Variants in SMAD2 observed in about 807,000 individuals in gnomAD.
The protein encoded by SMAD2 is SMAD family member 2.
Under a neutral mutation model 64.4 loss-of-function variants are expected in SMAD2, and 8 were observed. The ratio of observed to expected loss-of-function variants is 0.12; its 90% CI spans 0.07 to 0.22. The LOEUF (loss-of-function observed/expected upper bound fraction) is 0.22. Ranked by LOEUF, SMAD2 falls within the 10% of genes least tolerant of loss-of-function variation. The pLI, the probability that SMAD2 is intolerant of heterozygous loss-of-function variation, is 1.00. For synonymous variants in SMAD2, 203 were observed against 195.8 expected, an observed-to-expected ratio of 1.04 and a Z score of -0.31; for missense variants, 289 against 561.2, an observed-to-expected ratio of 0.51 and a Z score of 4.90.
chr18:47,841,687 G>T lies in SMAD2; in HGVS notation c.*140C>A. 1.2e-6 allele frequency: 1 copy of T among 834,624 alleles called. No individual in the cohort carries two copies. 51.7% of individuals were successfully genotyped at this position (834,624 alleles called of 1,614,324 possible). On this transcript the variant is annotated 3_prime_UTR_variant, in exon 11 of 11. Transcript: ENST00000262160. ...AAATATAGGAAACAGATTCCACAAG[G>T]TGCTTTAATTGATGAGACCTCAAGT...
chr18:47,857,249 A>T (rs538529409), intron 6 of SMAD2, among the ~76,000 whole-genome samples: 3 of 152,222 alleles, frequency 2.0e-5, no homozygotes, highest in Admixed American at 2.0e-4. Flanking sequence ...TAAGAGATTA[A>T]GCTTCCCTGC....
Position 47,815,181 on chromosome 18 carries a change from G to T in SMAD2, c.*26646C>A, listed in dbSNP as rs1385008836. On this transcript the variant is annotated 3_prime_UTR_variant, in exon 11 of 11. Transcript: ENST00000262160. Reference sequence around the variant, plus strand: ...AGCTGAGCATTTATCCAAAGAGATGGTTTTAAGCCTGAGATAGGCTATTTG... The same window carrying T: ...AGCTGAGCATTTATCCAAAGAGATGTTTTTAAGCCTGAGATAGGCTATTTG... 1 of 152,244 alleles carries T rather than the reference G, an allele frequency of 6.6e-6. No homozygotes were observed. The highest frequency in any genetic ancestry group is 2.4e-5 in the African/African-American group (1 of 41,458). The allele number at this position is 152,244 out of a possible 1,614,324, so 9.4% of individuals were successfully genotyped here.
rs1484381117 is a variant in SMAD2, at chr18:47,811,898, G to A, written c.*29929C>T. ...ATAAAGCACTGCTGGAAATGTTGAA[G>A]CAGACACAAAGATGTAGCATATATA... On this transcript the variant is annotated 3_prime_UTR_variant, in exon 11 of 11. Coordinates refer to ENST00000262160, the MANE Select transcript of SMAD2 (RefSeq NM_005901.6). 1 of 152,230 alleles carries A rather than the reference G, an allele frequency of 6.6e-6. No homozygotes were observed. Among genetic ancestry groups the A allele is most frequent in the Non-Finnish European group, 1.5e-5 (1 of 68,050 alleles). 9.4% of individuals were successfully genotyped at this position (152,230 alleles called of 1,614,324 possible). A position where few individuals can be genotyped will look rare whatever the true frequency, so the allele number is the denominator to read the frequency against.
intron 1 of SMAD2, among the ~76,000 whole-genome samples, chr18:47,899,595 G>T (rs2033597441): frequency 6.6e-6 from 1 of 152,126 alleles, no homozygotes; most frequent in Admixed American, 6.5e-5. Context: ...TTGTGTCAAT[G>T]CATTGTGTTG....
rs1481042904 is a variant in SMAD2 at position 47,829,441 on chromosome 18, G to A, written c.*12386C>T. The A allele has an allele frequency of 1.3e-5, 2 of 150,576 alleles. No individual in the cohort carries two copies. Among genetic ancestry groups the A allele is most frequent in the Non-Finnish European group, 2.9e-5 (2 of 67,808 alleles). 9.3% of individuals were successfully genotyped at this position (150,576 alleles called of 1,614,324 possible). A position where few individuals can be genotyped will look rare whatever the true frequency, so the allele number is the denominator to read the frequency against. ...CTTTTACAATGGTCACATACAAATG[G>A]GGAAAGAGTGGATATAAAAAATATG... is the stretch of plus-strand genomic sequence containing the variant. On this transcript the variant is annotated 3_prime_UTR_variant, in exon 11 of 11. Transcript: ENST00000262160.
chr18:47,834,192 A>G lies in SMAD2; in HGVS notation c.*7635T>C, dbSNP rs920588456. The G allele has an allele frequency of 4.7e-6, 1 of 212,344 alleles. No homozygotes were observed. The highest frequency in any genetic ancestry group is 2.3e-5 in the African/African-American group (1 of 44,108). 13.2% of individuals were successfully genotyped at this position (212,344 alleles called of 1,614,324 possible). On this transcript the variant is annotated 3_prime_UTR_variant, in exon 11 of 11. Transcript: ENST00000262160. ...GCAACTATGACAACATAGGGAAGTA[A>G]GGATAAATCACAAGAACACCTAAGG...
At chr18:47,877,940 T>C (rs551705023) in intron 2 of SMAD2, among the ~76,000 whole-genome samples, 1 of 152,330 alleles carries the variant, frequency 6.6e-6, no homozygotes, top group South Asian at 2.1e-4. Flanking sequence ...TGGGCAGTAA[T>C]TAAATCTGGA....
intron 6 of SMAD2, among the ~76,000 whole-genome samples, chr18:47,853,079 C>T (rs1480506298): frequency 6.6e-6 from 1 of 152,048 alleles, no homozygotes; most frequent in African/African-American, 2.4e-5. Flanking sequence ...TGCCTGTAAT[C>T]CCAGCACTTT....
chr18:47,905,348 A>C (rs770509901), intron 1 of SMAD2, among the ~76,000 whole-genome samples: 1 of 152,246 alleles, frequency 6.6e-6, no homozygotes, highest in Non-Finnish European at 1.5e-5. Flanking sequence ...TTGAAGATTC[A>C]TATTGCTTAA....
chr18:47,820,681 A>G lies in SMAD2; in HGVS notation c.*21146T>C, dbSNP rs1337679450. The stretch of plus-strand genomic sequence containing the variant: ...ACAAAGCAGAAAGTTTAAGCATGTC[A>G]CTGAAGGTCTGTGCAGATCATGAAA... On this transcript the variant is annotated 3_prime_UTR_variant, in exon 11 of 11. Transcript: ENST00000262160. 6.6e-6 allele frequency: 1 copy of G among 152,206 alleles called. No homozygotes were observed. The highest frequency in any genetic ancestry group is 2.4e-5 in the African/African-American group (1 of 41,458). The allele number at this position is 152,206 out of a possible 1,614,324, so 9.4% of individuals were successfully genotyped here.
At chr18:47,916,796 A>T (rs1282148136) in intron 1 of SMAD2, among the ~76,000 whole-genome samples, 1 of 152,206 alleles carries the variant, frequency 6.6e-6, no homozygotes, top group Non-Finnish European at 1.5e-5. Context: ...GAAATTGTCC[A>T]CTTTACCTGT....
Position 47,839,154 on chromosome 18 carries a change from G to A in SMAD2, c.*2673C>T, listed in dbSNP as rs1023398707. On this transcript the variant is annotated 3_prime_UTR_variant, in exon 11 of 11. Coordinates refer to ENST00000262160, the MANE Select transcript of SMAD2 (RefSeq NM_005901.6). ...GCTCAACAGGTATAACTGCTCAATA[G>A]GTGTTTTCAAAGAGTTGAGTCCCAA... 4.3e-6 allele frequency: 1 copy of A among 233,138 alleles called. No homozygotes were observed. The highest frequency in any genetic ancestry group is 8.5e-6 in the Non-Finnish European group (1 of 118,032). 14.4% of individuals were successfully genotyped at this position (233,138 alleles called of 1,614,324 possible). A position where few individuals can be genotyped will look rare whatever the true frequency, so the allele number is the denominator to read the frequency against.
chr18:47,910,233 C>A (rs1194891625), intron 1 of SMAD2, among the ~76,000 whole-genome samples: 1 of 149,510 alleles, frequency 6.7e-6, no homozygotes, highest in Non-Finnish European at 1.5e-5. Flanking sequence ...TAGAGAAATT[C>A]AAGGGCTAAC....
Position 47,836,660 on chromosome 18 carries a change from G to C in SMAD2, c.*5167C>G, listed in dbSNP as rs1365051722. ...ATATTATTTATTTCCTTCTTAAAAA[G>C]ACTGAGGCAGTTCTGCTATATATAG... On this transcript the variant is annotated 3_prime_UTR_variant, in exon 11 of 11. Transcript: ENST00000262160. 1 of 216,240 alleles carries C rather than the reference G, an allele frequency of 4.6e-6. No individual in the cohort carries two copies. The highest frequency in any genetic ancestry group is 9.3e-6 in the Non-Finnish European group (1 of 107,624). The allele number at this position is 216,240 out of a possible 1,614,324, so 13.4% of individuals were successfully genotyped here.
intron 2 of SMAD2, among the ~76,000 whole-genome samples, chr18:47,880,096 T>C (rs2144413421): frequency 6.6e-6 from 1 of 152,328 alleles, no homozygotes; most frequent in South Asian, 2.1e-4. Context: ...TGCAAATATT[T>C]TCTCCCACTC....
At chr18:47,878,598 C>A (rs963216011) in intron 2 of SMAD2, 4 of 152,168 alleles carry the variant, frequency 2.6e-5, no homozygotes, top group Non-Finnish European at 5.9e-5. Flanking sequence ...TACTGCACTC[C>A]AGCCTGGGTA....
At chr18:47,913,094 T>C (rs1270420755) in intron 1 of SMAD2, among the ~76,000 whole-genome samples, 2 of 152,218 alleles carry the variant, frequency 1.3e-5, no homozygotes, top group East Asian at 1.9e-4. Context: ...TAATTTTTTG[T>C]GTTTTTAGTA....
At chr18:47,902,823 CATGG>C (rs1467001070) in intron 1 of SMAD2, among the ~76,000 whole-genome samples, 3 of 152,100 alleles carry the variant, frequency 2.0e-5, no homozygotes, top group Non-Finnish European at 4.4e-5. Context: ...AGAGAGGCTG[CATGG>C]ATGGTCTCTT....
chr18:47,850,430 A>G (rs1411786248), intron 7 of SMAD2, among the ~76,000 whole-genome samples: 1 of 24,734 alleles, frequency 4.0e-5, no homozygotes, highest in African/African-American at 1.7e-4. Context: ...AATATATTAT[A>G]TATATTATGT....
Sources: gnomAD v4.1 joint callset for allele counts (sites outside exome capture counted in the v4.1 genomes callset) on GRCh38, gnomAD v4.1.1 for gene constraint, MANE v1.5 for transcripts, NCBI Gene and HGNC (gene_info 2026-07-23, HGNC 2026-07-21) for gene names.